Variants in HMCN1 observed in about 807,000 individuals in gnomAD.
HMCN1 encodes the protein hemicentin-1.
HMCN1 carries 321 observed loss-of-function variants against 625.9 expected under a neutral mutation model. That is an observed-to-expected ratio of 0.51 (90% CI 0.47 to 0.56). HMCN1 has a LOEUF of 0.56. Among genes scored for constraint, HMCN1 ranks in the 20% least tolerant of loss-of-function variants. The probability of loss-of-function intolerance (pLI) is 0.00; values close to 1 mark genes in which losing one functional copy is unlikely to be tolerated. For synonymous variants in HMCN1, 2,425 were observed against 2,417.6 expected (o/e 1.00, Z -0.09); for missense variants, 6,588 against 6,887.3 (o/e 0.96, Z 1.54).
chr1:186,157,702 G>A (rs1184889229), intron 97 of HMCN1, among the ~76,000 whole-genome samples: 3 of 152,114 alleles, frequency 2.0e-5, no homozygotes, highest in African/African-American at 7.2e-5. Context: ...TTGGTTTTTT[G>A]TTCTTGCGAT....
At chr1:186,081,914 C>T (rs1659190989) in intron 56 of HMCN1, among the ~76,000 whole-genome samples, 1 of 152,150 alleles carries the variant, frequency 6.6e-6, no homozygotes, top group Non-Finnish European at 1.5e-5. Flanking sequence ...TGTTAGGATA[C>T]AATTTGATAA....
intron 39 of HMCN1, among the ~76,000 whole-genome samples, chr1:186,040,327 A>G (rs558041761): frequency 6.6e-6 from 1 of 152,322 alleles, no homozygotes; most frequent in South Asian, 2.1e-4. Flanking sequence ...AAGAAAAAAT[A>G]TAATTAAAAC....
rs377629940 is a variant in HMCN1 at position 185,941,262 on chromosome 1, G to A, written c.1828+7438G>A. On this transcript the variant is annotated intron_variant, in intron 11 of 106. Coordinates refer to ENST00000271588, the MANE Select transcript of HMCN1 (RefSeq NM_031935.3). ...ATGACCTCGCTTGGTCTTCAGAATG[G>A]ATTACTTATAACTATTCCACTTGTT... Among the ~76,000 whole-genome samples the A allele has an allele frequency of 1.9e-4, 29 of 152,264 alleles. No homozygotes were observed. In the East Asian group the frequency reaches 3.5e-3, roughly 18 times the overall value.
At chr1:185,861,573 A>G (rs920129382) in intron 2 of HMCN1, among the ~76,000 whole-genome samples, 1 of 152,218 alleles carries the variant, frequency 6.6e-6, no homozygotes, top group African/African-American at 2.4e-5. Context: ...CAGATTATAC[A>G]AAATTGGCTG....
chr1:186,032,460 G>A (rs1655520931), intron 36 of HMCN1, among the ~76,000 whole-genome samples: 2 of 152,126 alleles, frequency 1.3e-5, no homozygotes, highest in Admixed American at 1.3e-4. Context: ...TGTGTTGTGG[G>A]AGGGACCCGA....
chr1:186,110,974 A>ATTTTTTTTTTTTTT (rs778503338), intron 71 of HMCN1, among the ~76,000 whole-genome samples: 4 of 59,944 alleles, frequency 6.7e-5, no homozygotes, highest in African/African-American at 6.2e-4. Flanking sequence ...ACCAGAGAAA[A>ATTTTTTTTTTTTTT]TTCTTTTTTT....
At position 185,954,771 on chromosome 1, in the gene HMCN1, C is replaced by A. The variant is rs189670005; in HGVS notation, c.1829-7747C>A. On this transcript the variant is annotated intron_variant, in intron 11 of 106. Coordinates refer to ENST00000271588, the MANE Select transcript of HMCN1 (RefSeq NM_031935.3). ...TCTTTTCAGTAATCATACCTTACTT[C>A]TCTCTCTCTACTCTCTTTTCCCCAG... 1.8e-4 allele frequency among the ~76,000 whole-genome samples: 28 copies of A among 152,194 alleles called. No individual in the cohort carries two copies. In the East Asian group the frequency reaches 5.4e-3, roughly 29 times the overall value.
chr1:185,999,294 C>T lies in HMCN1; in HGVS notation c.3875-751C>T, dbSNP rs571217915. Among the ~76,000 whole-genome samples the T allele has an allele frequency of 3.9e-5, 6 of 151,946 alleles. No homozygotes were observed. In the East Asian group the frequency reaches 9.7e-4, roughly 24 times the overall value. ...TTTAAATGCTTAGAATAATACCTGGCAAAATGTTTGCTAAATAAATACATT... is the reference window on the plus strand; with the variant it reads ...TTTAAATGCTTAGAATAATACCTGGTAAAATGTTTGCTAAATAAATACATT... On this transcript the variant is annotated intron_variant, in intron 25 of 106. Coordinates refer to ENST00000271588, the MANE Select transcript of HMCN1 (RefSeq NM_031935.3).
At chr1:186,038,158 T>G in intron 37 of HMCN1, 123 bp downstream of exon 37, 1 of 699,470 alleles carries the variant, frequency 1.4e-6, no homozygotes, top group Non-Finnish European at 2.6e-6. Context: ...ATTTCATGGG[T>G]GAAACATTGA....
intron 11 of HMCN1, among the ~76,000 whole-genome samples, chr1:185,941,347 A>G (rs981371903): frequency 1.3e-5 from 2 of 152,322 alleles, no homozygotes; most frequent in East Asian, 1.9e-4. Flanking sequence ...TTAAAAATCT[A>G]TATGGTACTT....
At chr1:185,997,545 T>C (rs757151735) in intron 25 of HMCN1, 21 bp downstream of exon 25, 78 of 1,482,110 alleles carry the variant, frequency 5.3e-5, no homozygotes, top group Non-Finnish European at 6.4e-5. Flanking sequence ...CTGAAAGATA[T>C]AGGCATTGGC....
chr1:185,819,488 C>G (rs565503459), intron 1 of HMCN1, among the ~76,000 whole-genome samples: 75 of 152,054 alleles, frequency 4.9e-4, no homozygotes, highest in African/African-American at 1.8e-3. Flanking sequence ...CTGATATTAC[C>G]TAAATCTGTG....
intron 2 of HMCN1, among the ~76,000 whole-genome samples, chr1:185,862,461 C>G (rs11807146): frequency 2.0e-5 from 3 of 151,778 alleles, no homozygotes; most frequent in African/African-American, 7.3e-5. Context: ...GTTTTGAAAC[C>G]AAATATCTAT....
In HMCN1 at chr1:185,907,723, G is replaced by A. The variant is rs60457164; in HGVS notation, c.622-1614G>A. Among the ~76,000 whole-genome samples the A allele has an allele frequency of 7.4e-3, 1,126 of 152,034 alleles. 8 individuals are homozygous for A. Among genetic ancestry groups the A allele is most frequent in the African/African-American group, 0.026 (1,080 of 41,530 alleles). On this transcript the variant is annotated intron_variant, in intron 4 of 106. Transcript: ENST00000271588. ...TTCAGCAATGGCTGAAACAACTAGG[G>A]GAAGAGAAGGGAATTTAGCTGGGGA...
chr1:185,832,878 T>C (rs1322133014), intron 1 of HMCN1, among the ~76,000 whole-genome samples: 2 of 152,208 alleles, frequency 1.3e-5, no homozygotes, highest in African/African-American at 4.8e-5. Flanking sequence ...ATTTACTTAA[T>C]TTATAAAGAG....
chr1:186,132,527 T>C (rs1183687298), intron 86 of HMCN1, 118 bp downstream of exon 86: 1 of 809,546 alleles, frequency 1.2e-6, no homozygotes, highest in Non-Finnish European at 2.1e-6. Flanking sequence ...AGAGTGTGTC[T>C]AATTTAGTTT....
chr1:186,187,219 A>C (rs114761772), intron 105 of HMCN1, among the ~76,000 whole-genome samples: 4,292 of 81,384 alleles, frequency 0.053, 95 homozygotes, highest in Middle Eastern at 0.14. Context: ...GCCTAAGGAG[A>C]GCATCCCACT....
chr1:185,888,901 G>A (rs1253309401), intron 4 of HMCN1, among the ~76,000 whole-genome samples: 1 of 147,566 alleles, frequency 6.8e-6, no homozygotes, highest in Non-Finnish European at 1.5e-5. Context: ...ACCTTAGGCA[G>A]TATGGCCATT....
chr1:185,903,415 T>C (rs1345760833), intron 4 of HMCN1, among the ~76,000 whole-genome samples: 7 of 151,794 alleles, frequency 4.6e-5, no homozygotes, highest in Non-Finnish European at 1.0e-4. Flanking sequence ...GTTTATCCTC[T>C]ATATAAACTG....
Sources: gnomAD v4.1 joint callset for allele counts (sites outside exome capture counted in the v4.1 genomes callset) on GRCh38, gnomAD v4.1.1 for gene constraint, MANE v1.5 for transcripts, NCBI Gene and HGNC (gene_info 2026-07-23, HGNC 2026-07-21) for gene names.